PPP2R5E: variants seen among roughly 807,000 people sequenced by gnomAD.
PPP2R5E encodes serine/threonine-protein phosphatase 2A 56 kDa regulatory subunit epsilon isoform.
A neutral mutation model predicts 65.3 loss-of-function variants in PPP2R5E; 4 were observed. The ratio of observed to expected loss-of-function variants is 0.06; its 90% CI spans 0.03 to 0.14. The LOEUF (loss-of-function observed/expected upper bound fraction) is 0.14, where lower values mean the gene tolerates loss of function less well. Among genes scored for constraint, PPP2R5E ranks in the 10% least tolerant of loss-of-function variants. The probability of loss-of-function intolerance (pLI) is 1.00; values close to 1 mark genes in which losing one functional copy is unlikely to be tolerated. For missense variants in PPP2R5E, 274 were observed against 556.1 expected, an observed-to-expected ratio of 0.49 and a Z score of 5.10; for synonymous variants, 183 against 187.4, an observed-to-expected ratio of 0.98 and a Z score of 0.19.
intron 3 of PPP2R5E, among the ~76,000 whole-genome samples, chr14:63,447,330 C>A (rs1888535399): frequency 6.6e-6 from 1 of 152,236 alleles, no homozygotes; most frequent in Non-Finnish European, 1.5e-5. Flanking sequence ...GGACAACTTG[C>A]GGCAGCTTTA....
At chr14:63,463,892 G>A (rs896928145) in intron 2 of PPP2R5E, among the ~76,000 whole-genome samples, 6 of 152,068 alleles carry the variant, frequency 3.9e-5, no homozygotes, top group East Asian at 1.9e-4. Context: ...CATCGCGCCC[G>A]GCCGAATTGA....
chr14:63,388,748 C>T (rs1169373486), intron 11 of PPP2R5E, among the ~76,000 whole-genome samples: 1 of 152,202 alleles, frequency 6.6e-6, no homozygotes, highest in Non-Finnish European at 1.5e-5. Flanking sequence ...TCTAACTATA[C>T]AGCATAGTTG....
intron 2 of PPP2R5E, among the ~76,000 whole-genome samples, chr14:63,492,291 A>C (rs1891320835): frequency 6.6e-6 from 1 of 152,128 alleles, no homozygotes; most frequent in East Asian, 1.9e-4. Context: ...CTTTTTATTC[A>C]AAAGGAGACT....
intron 2 of PPP2R5E, among the ~76,000 whole-genome samples, chr14:63,508,450 C>T (rs1566752057): frequency 6.6e-6 from 1 of 152,174 alleles, no homozygotes; most frequent in Non-Finnish European, 1.5e-5. Flanking sequence ...AATATGCCTT[C>T]TATATATATT....
At chr14:63,501,356 T>C (rs533695355) in intron 2 of PPP2R5E, among the ~76,000 whole-genome samples, 1 of 146,342 alleles carries the variant, frequency 6.8e-6, no homozygotes, top group African/African-American at 2.5e-5. Flanking sequence ...AGTGAGCCGA[T>C]ACAGTGCCAC....
intron 3 of PPP2R5E, among the ~76,000 whole-genome samples, chr14:63,440,463 C>T (rs1275213225): frequency 6.6e-6 from 1 of 151,516 alleles, no homozygotes; most frequent in Non-Finnish European, 1.5e-5. Context: ...ACTATGTGGT[C>T]TGGCCTTGTC....
At chr14:63,493,284 C>A (rs1364110295) in intron 2 of PPP2R5E, among the ~76,000 whole-genome samples, 1 of 151,854 alleles carries the variant, frequency 6.6e-6, no homozygotes, top group Non-Finnish European at 1.5e-5. Flanking sequence ...GCTGGGACTA[C>A]AGGCACTTGC....
At chr14:63,458,706 T>C (rs1053413739) in intron 2 of PPP2R5E, among the ~76,000 whole-genome samples, 3 of 152,194 alleles carry the variant, frequency 2.0e-5, no homozygotes, top group Non-Finnish European at 4.4e-5. Context: ...GAATAAGTAT[T>C]TCTATAAAAT....
At chr14:63,523,614 T>C (rs1893064226) in intron 2 of PPP2R5E, among the ~76,000 whole-genome samples, 1 of 151,922 alleles carries the variant, frequency 6.6e-6, no homozygotes, top group African/African-American at 2.4e-5. Flanking sequence ...CAGAGACCTT[T>C]GTTCACTTGT....
chr14:63,531,184 A>T (rs1214889620), intron 2 of PPP2R5E, among the ~76,000 whole-genome samples: 4 of 152,218 alleles, frequency 2.6e-5, no homozygotes, highest in African/African-American at 9.6e-5. Context: ...AAAGAAAGAA[A>T]GAAAAAAATA....
chr14:63,498,376 C>CT lies in PPP2R5E; in HGVS notation c.157+41152dup, dbSNP rs529434422. Among the ~76,000 whole-genome samples, 26 of 152,092 alleles carry CT rather than the reference C, an allele frequency of 1.7e-4. No individual in the cohort carries two copies. In the South Asian group the frequency reaches 2.9e-3, roughly 17 times the overall value. On this transcript the variant is annotated intron_variant, in intron 2 of 13. Transcript: ENST00000337537. ...CTAACCTCTTGACATCATTTCTTTT[C>CT]TTTTCTTTTTTTCTTTTTAAGTCTA...
chr14:63,420,494 T>C (rs910465035), intron 4 of PPP2R5E, among the ~76,000 whole-genome samples: 1 of 152,192 alleles, frequency 6.6e-6, no homozygotes, highest in Non-Finnish European at 1.5e-5. Flanking sequence ...TACCGTGTTT[T>C]AACTAATTTA....
At chr14:63,522,069 G>C (rs1019410569) in intron 2 of PPP2R5E, among the ~76,000 whole-genome samples, 3 of 149,244 alleles carry the variant, frequency 2.0e-5, no homozygotes, top group East Asian at 2.0e-4. Flanking sequence ...TCAGCTTGCC[G>C]AGTGCCTGCG....
chr14:63,466,805 A>G (rs1212615465), intron 2 of PPP2R5E, among the ~76,000 whole-genome samples: 1 of 152,214 alleles, frequency 6.6e-6, no homozygotes, highest in African/African-American at 2.4e-5. Flanking sequence ...GTATGTATGT[A>G]TGTGTGTATG....
chr14:63,428,996 A>G (rs1264070974), intron 3 of PPP2R5E, among the ~76,000 whole-genome samples: 2 of 152,210 alleles, frequency 1.3e-5, no homozygotes, highest in African/African-American at 4.8e-5. Context: ...TGCCAATATT[A>G]ACAAAAAAAT....
At chr14:63,518,609 G>T (rs1399784906) in intron 2 of PPP2R5E, among the ~76,000 whole-genome samples, 1 of 151,982 alleles carries the variant, frequency 6.6e-6, no homozygotes, top group Non-Finnish European at 1.5e-5. Flanking sequence ...CATTTTTATG[G>T]TCTAAAAGTA....
intron 5 of PPP2R5E, among the ~76,000 whole-genome samples, chr14:63,410,902 T>C (rs1227533557): frequency 1.3e-5 from 2 of 152,080 alleles, no homozygotes; most frequent in East Asian, 3.9e-4. Context: ...GTCAAATTTA[T>C]AACAGATCCA....
In PPP2R5E at chr14:63,453,789, A is replaced by G. The variant is rs1045456091; in HGVS notation, c.254T>C (p.Met85Thr). The change falls in exon 3 of 14, where the codon ATG (methionine) becomes ACG (threonine). Residue 85 changes from methionine to threonine, a missense_variant. By Grantham distance (81) the Met-to-Thr change is moderately conservative (BLOSUM62 -1). This residue lies in a region of PPP2R5E where 51 missense variants were observed against 101.1 expected (regional missense o/e 0.50). Coordinates refer to ENST00000337537, the MANE Select transcript of PPP2R5E (RefSeq NM_006246.5). ...DFMDTLSDLK[M>T]KEYKRSTLNE... ...AAGAGTGGAGCGCTTGTATTCTTTC[A>G]TTTTAAGATCAGATAGCGTGTCCAT... The G allele has an allele frequency of 1.9e-6, 3 of 1,610,050 alleles. No homozygotes were observed. The highest frequency in any genetic ancestry group is 2.5e-6 in the Non-Finnish European group (3 of 1,178,878).
intron 12 of PPP2R5E, among the ~76,000 whole-genome samples, chr14:63,383,195 T>G (rs1271088824): frequency 6.6e-6 from 1 of 152,242 alleles, no homozygotes; most frequent in Non-Finnish European, 1.5e-5. Flanking sequence ...AGCTTCAGAC[T>G]AGAGTCTAAA....
Sources: gnomAD v4.1 joint callset for allele counts (sites outside exome capture counted in the v4.1 genomes callset) on GRCh38, gnomAD v4.1.1 for gene constraint, gnomAD v4.1.1 regional missense constraint, MANE v1.5 for transcripts, NCBI Gene and HGNC (gene_info 2026-07-23, HGNC 2026-07-21) for gene names.